Variants in CREBRF observed in about 807,000 individuals in gnomAD.
CREBRF encodes UPF0474 protein C5orf41.
CREBRF carries 5 observed loss-of-function variants against 66.1 expected under a neutral mutation model. The observed-to-expected ratio is 0.08, with a 90% CI of 0.04 to 0.16. The LOEUF (loss-of-function observed/expected upper bound fraction) is 0.16, where lower values mean the gene tolerates loss of function less well. Among genes scored for constraint, CREBRF ranks in the 10% least tolerant of loss-of-function variants. CREBRF has a pLI of 1.00. For missense variants in CREBRF, 531 were observed against 744.9 expected (o/e 0.71, Z 3.34); for synonymous variants, 229 against 264.4 (o/e 0.87, Z 1.30).
chr5:173,099,983 T>G (rs991566719), intron 4 of CREBRF, among the ~76,000 whole-genome samples: 2 of 148,358 alleles, frequency 1.3e-5, no homozygotes. Flanking sequence ...CTTGGCTCAC[T>G]GCAACCTCCT....
At chr5:173,109,599 G>C (rs1166450190) in intron 5 of CREBRF, 2 of 152,126 alleles carry the variant, frequency 1.3e-5, no homozygotes, top group Non-Finnish European at 2.9e-5. Context: ...ATAGTTTCTA[G>C]TTCTTCTGCT....
At position 173,112,383 on chromosome 5, in the gene CREBRF, A is replaced by T. The variant is rs144292318; in HGVS notation, c.1681+4A>T. On this transcript the variant is annotated splice_donor_region_variant and intron_variant, in intron 7 of 8. Transcript: ENST00000296953. ...TGGGGCCTCAACACAGAATATGGTA[A>T]ACCTAAAGTTTTAAGAAGTTGATTA... 4 of 1,566,860 alleles carry T rather than the reference A, an allele frequency of 2.6e-6. No individual in the cohort carries two copies. The African/African-American group carries it at 5.5e-5, about 21-fold the overall frequency.
At chr5:173,072,417 A>G (rs1191671193) in intron 1 of CREBRF, among the ~76,000 whole-genome samples, 1 of 152,064 alleles carries the variant, frequency 6.6e-6, no homozygotes, top group African/African-American at 2.4e-5. Flanking sequence ...CTGTGACTAC[A>G]GGCACTGGCC....
chr5:173,090,087 G>A lies in CREBRF; in HGVS notation c.136-228G>A, dbSNP rs759445663. Among the ~76,000 whole-genome samples the A allele has an allele frequency of 4.6e-5, 7 of 152,070 alleles. No individual in the cohort carries two copies. The highest frequency in any genetic ancestry group is 7.4e-5 in the Non-Finnish European group (5 of 68,000). On this transcript the variant is annotated intron_variant, in intron 3 of 8. Coordinates refer to ENST00000296953, the MANE Select transcript of CREBRF (RefSeq NM_153607.3). The surrounding 1 kb of genome is among the most constrained non-coding windows in gnomAD (Gnocchi z 4.5). ...GAGCCTCTCAAGGGACACACTTTCCGTCTTTTTTAAATTTAATTTTTAATT... is the reference window on the plus strand; with the variant it reads ...GAGCCTCTCAAGGGACACACTTTCCATCTTTTTTAAATTTAATTTTTAATT...
chr5:173,129,871 G>A (rs140316002), intron 8 of CREBRF, among the ~76,000 whole-genome samples: 2,354 of 152,202 alleles, frequency 0.015, 58 homozygotes, highest in African/African-American at 0.054. Context: ...CTGTCGCCCA[G>A]ACTGGAGTGT....
At chr5:173,130,589 A>AT (rs996635437) in intron 8 of CREBRF, among the ~76,000 whole-genome samples, 4 of 151,482 alleles carry the variant, frequency 2.6e-5, no homozygotes, top group African/African-American at 9.7e-5. Flanking sequence ...CAGTGGTGCT[A>AT]TCATAGCTCA....
chr5:173,063,240 G>A (rs1038034632), intron 1 of CREBRF, among the ~76,000 whole-genome samples: 2 of 152,006 alleles, frequency 1.3e-5, no homozygotes, highest in African/African-American at 2.4e-5. Context: ...ACTGCTTTCC[G>A]TACTTAACTC....
chr5:173,137,385 G>A lies in CREBRF; in HGVS notation c.*3640G>A, dbSNP rs1365648987. ...TTTGTATGAAAGACCAGTTTTGGAT[G>A]GTCTTTGAATATAGGGGGGAAAGAT... is the stretch of plus-strand genomic sequence containing the variant. On this transcript the variant is annotated 3_prime_UTR_variant, in exon 9 of 9. Coordinates refer to ENST00000296953, the MANE Select transcript of CREBRF (RefSeq NM_153607.3). 1 of 151,910 alleles carries A rather than the reference G, an allele frequency of 6.6e-6. No individual in the cohort carries two copies. 9.4% of individuals were successfully genotyped at this position (151,910 alleles called of 1,614,324 possible).
At chr5:173,125,113 T>A (rs1186692915) in intron 8 of CREBRF, among the ~76,000 whole-genome samples, 1 of 151,924 alleles carries the variant, frequency 6.6e-6, no homozygotes, top group Non-Finnish European at 1.5e-5. Flanking sequence ...AGAGGTGGGG[T>A]TTCACCATGT....
At chr5:173,073,764 G>A (rs1277600241) in intron 1 of CREBRF, among the ~76,000 whole-genome samples, 4 of 151,574 alleles carry the variant, frequency 2.6e-5, no homozygotes, top group African/African-American at 4.9e-5. Flanking sequence ...TCAGGAGATC[G>A]AGACCATCCT....
intron 1 of CREBRF, among the ~76,000 whole-genome samples, chr5:173,061,896 A>G (rs977454474): frequency 6.6e-6 from 1 of 152,198 alleles, no homozygotes; most frequent in Non-Finnish European, 1.5e-5. Flanking sequence ...TTTTAATGTA[A>G]TATTTCACCA....
At chr5:173,105,465 TTTTA>T (rs535849329) in intron 4 of CREBRF, among the ~76,000 whole-genome samples, 9 of 152,026 alleles carry the variant, frequency 5.9e-5, no homozygotes, top group Non-Finnish European at 1.0e-4. Context: ...AACAAGGGCC[TTTTA>T]TTTATTTATT....
At chr5:173,115,985 C>T (rs544996608) in intron 7 of CREBRF, among the ~76,000 whole-genome samples, 1 of 152,270 alleles carries the variant, frequency 6.6e-6, no homozygotes, top group African/African-American at 2.4e-5. Context: ...CTCAGTATTG[C>T]TAGATGAAGA....
chr5:173,101,972 C>A (rs1055309068), intron 4 of CREBRF, among the ~76,000 whole-genome samples: 8 of 152,012 alleles, frequency 5.3e-5, no homozygotes, highest in African/African-American at 1.7e-4. Flanking sequence ...TTTCTTTATT[C>A]TTTTTCATTC....
rs546327765 is a variant in CREBRF at position 173,120,473 on chromosome 5, G to A, written c.1682-2607G>A. 5.3e-5 allele frequency among the ~76,000 whole-genome samples: 8 copies of A among 149,640 alleles called. No individual in the cohort carries two copies. In the South Asian group the frequency reaches 8.5e-4, roughly 16 times the overall value. ...CAGCTCACTGCAACCTCTGCCTCCCGGGTTCAAGCAATTCTCATGCCTCAG... is the reference window on the plus strand; with the variant it reads ...CAGCTCACTGCAACCTCTGCCTCCCAGGTTCAAGCAATTCTCATGCCTCAG... On this transcript the variant is annotated intron_variant, in intron 7 of 8. Coordinates refer to ENST00000296953, the MANE Select transcript of CREBRF (RefSeq NM_153607.3).
At chr5:173,103,333 G>T (rs1758673249) in intron 4 of CREBRF, among the ~76,000 whole-genome samples, 1 of 152,188 alleles carries the variant, frequency 6.6e-6, no homozygotes, top group Admixed American at 6.5e-5. Context: ...CCACAAAATT[G>T]TGTTAATTTT....
intron 7 of CREBRF, among the ~76,000 whole-genome samples, chr5:173,113,705 A>G (rs1050518435): frequency 5.9e-5 from 9 of 152,210 alleles, no homozygotes; most frequent in African/African-American, 2.2e-4. Flanking sequence ...ATTGTAGCAC[A>G]TGTAGAAAAT....
chr5:173,105,373 G>A (rs906988741), intron 4 of CREBRF, among the ~76,000 whole-genome samples: 1 of 152,076 alleles, frequency 6.6e-6, no homozygotes, highest in Non-Finnish European at 1.5e-5. Flanking sequence ...GAGTGTTTTG[G>A]TTGGTGCATC....
chr5:173,076,851 TG>T (rs573878725), intron 1 of CREBRF, among the ~76,000 whole-genome samples: 184 of 151,814 alleles, frequency 1.2e-3, no homozygotes, highest in African/African-American at 4.0e-3. Flanking sequence ...ACAAGACCTC[TG>T]GTCACATGAA....
Sources: allele counts gnomAD v4.1 joint callset (sites outside exome capture counted in the v4.1 genomes callset), GRCh38; gene constraint gnomAD v4.1.1; non-coding constraint Gnocchi (gnomAD v3.1); transcripts MANE v1.5; gene names NCBI Gene and HGNC (gene_info 2026-07-23, HGNC 2026-07-21).